RNF216: variants seen among roughly 807,000 people sequenced by gnomAD.
The protein encoded by RNF216 is E3 ubiquitin-protein ligase RNF216.
A neutral mutation model predicts 110.8 loss-of-function variants in RNF216; 72 were observed. That is an observed-to-expected ratio of 0.65 (90% CI 0.54 to 0.79). RNF216 has a LOEUF of 0.79. Ranked by LOEUF, RNF216 falls within the 30% of genes least tolerant of loss-of-function variation. The probability of loss-of-function intolerance (pLI) is 0.00; values close to 1 mark genes in which losing one functional copy is unlikely to be tolerated. For missense variants in RNF216, 1,342 were observed against 1,141.2 expected (o/e 1.18, Z -2.54); for synonymous variants, 495 against 407.5 (o/e 1.21, Z -2.59).
intron 3 of RNF216, among the ~76,000 whole-genome samples, chr7:5,751,388 C>G (rs180976233): frequency 1.4e-4 from 22 of 152,242 alleles, no homozygotes; most frequent in African/African-American, 5.1e-4. Flanking sequence ...AGTGTGTGCA[C>G]TAGACCCCAA....
chr7:5,664,239 T>C (rs1445184720), intron 13 of RNF216, among the ~76,000 whole-genome samples: 3 of 152,210 alleles, frequency 2.0e-5, no homozygotes, highest in Non-Finnish European at 1.5e-5. Context: ...GTCTTATTTA[T>C]AATTATGCCA....
intron 13 of RNF216, among the ~76,000 whole-genome samples, chr7:5,658,327 TATTTTA>T (rs1788877243): frequency 6.6e-6 from 1 of 152,188 alleles, no homozygotes; most frequent in African/African-American, 2.4e-5. Flanking sequence ...AAAAGATTCC[TATTTTA>T]ATAAGCACAA....
chr7:5,703,706 G>C (rs1792113008), intron 13 of RNF216, among the ~76,000 whole-genome samples: 1 of 152,218 alleles, frequency 6.6e-6, no homozygotes, highest in African/African-American at 2.4e-5. Context: ...CACATTTGCA[G>C]TTTCCACGAA....
chr7:5,779,061 T>G (rs759201788), intron 1 of RNF216, among the ~76,000 whole-genome samples: 2 of 152,216 alleles, frequency 1.3e-5, no homozygotes, highest in Non-Finnish European at 2.9e-5. Flanking sequence ...CTATTATCTT[T>G]AACAATAATG....
rs543601677 is a variant in RNF216 at position 5,721,969 on chromosome 7, C to T, written c.1505-797G>A. Among the ~76,000 whole-genome samples, 60 of 152,370 alleles carry T rather than the reference C, an allele frequency of 3.9e-4. No homozygotes were observed. In the South Asian group the frequency reaches 5.4e-3, roughly 14 times the overall value. Reference sequence around the variant, plus strand: ...ACAGAGCCTTGCTCTGCTGCTCACGCTGGAGTGCAGTGGCACATTCACAGA... The same window carrying T: ...ACAGAGCCTTGCTCTGCTGCTCACGTTGGAGTGCAGTGGCACATTCACAGA... On this transcript the variant is annotated intron_variant, in intron 8 of 16. Coordinates refer to ENST00000389902, the MANE Select transcript of RNF216 (RefSeq NM_207111.4).
intron 13 of RNF216, among the ~76,000 whole-genome samples, chr7:5,694,867 A>G (rs767389466): frequency 3.3e-5 from 5 of 152,202 alleles, no homozygotes; most frequent in Non-Finnish European, 5.9e-5. Flanking sequence ...TCCTGTTTTG[A>G]TTTTGAACAT....
chr7:5,769,710 A>C (rs532068248), intron 1 of RNF216, among the ~76,000 whole-genome samples: 4 of 151,040 alleles, frequency 2.6e-5, no homozygotes, highest in African/African-American at 9.7e-5. Context: ...GGAGACAGTG[A>C]GAGCTGTCTC....
At position 5,696,890 on chromosome 7, in the gene RNF216, A is replaced by ATCTC; in HGVS notation, c.2061+14867_2061+14870dup. Among the ~76,000 whole-genome samples the ATCTC allele has an allele frequency of 6.6e-6, 1 of 152,062 alleles. No individual in the cohort carries two copies. Among genetic ancestry groups the ATCTC allele is most frequent in the East Asian group, 1.9e-4 (1 of 5,176 alleles). On this transcript the variant is annotated intron_variant, in intron 13 of 16. Coordinates refer to ENST00000389902, the MANE Select transcript of RNF216 (RefSeq NM_207111.4). This position sits in a 1 kb window ranked among gnomAD's most constrained non-coding sequence, Gnocchi z 5.4. ...CAATTCCCTTGATATTCTATATCTG[A>ATCTC]TCTCTCCCTCCCTCCCACTCCCTTT...
chr7:5,731,376 C>T (rs4724716), intron 5 of RNF216, among the ~76,000 whole-genome samples: 147,161 of 151,568 alleles, frequency 0.97, 71,509 homozygotes, highest in Middle Eastern at 0.99. Context: ...AGCTAGCTGC[C>T]AAGCTAGACT....
At chr7:5,737,126 T>C (rs888815052) in intron 5 of RNF216, among the ~76,000 whole-genome samples, 1 of 152,358 alleles carries the variant, frequency 6.6e-6, no homozygotes, top group South Asian at 2.1e-4. Flanking sequence ...ATTGTTGCTG[T>C]GTCTGTGTAG....
chr7:5,770,266 A>G (rs1387256686), intron 1 of RNF216, among the ~76,000 whole-genome samples: 1 of 151,970 alleles, frequency 6.6e-6, no homozygotes, highest in Non-Finnish European at 1.5e-5. Context: ...GTTTGAGACC[A>G]GCCTGACCAA....
chr7:5,637,532 C>T (rs564252596), intron 15 of RNF216, among the ~76,000 whole-genome samples: 2 of 152,290 alleles, frequency 1.3e-5, no homozygotes, highest in South Asian at 4.1e-4. Context: ...CCATGAGTAG[C>T]TCTCAGGATT....
At position 5,741,192 on chromosome 7, in the gene RNF216, T is replaced by A. The variant is rs767419458; in HGVS notation, c.825A>T (p.Pro275=). 1 of 1,614,144 alleles carries A rather than the reference T, an allele frequency of 6.2e-7. No homozygotes were observed. Among genetic ancestry groups the A allele is most frequent in the Non-Finnish European group, 8.5e-7 (1 of 1,180,004 alleles). Residue 275 remains proline, a synonymous_variant, in exon 4 of 17, where the codon CCA becomes CCT. Coordinates refer to ENST00000389902, the MANE Select transcript of RNF216 (RefSeq NM_207111.4). ...TCCCACCTTGCTGGGGTTCCGGCCT[T>A]GGAAAAGCGGGCCCTGGGAATTCAT... The part of the protein sequence containing the change: ...FQHEFPGPAF[P]RPEPQQGGIS...
chr7:5,631,018 G>C (rs1456788326), intron 15 of RNF216, among the ~76,000 whole-genome samples: 1 of 152,124 alleles, frequency 6.6e-6, no homozygotes, highest in Non-Finnish European at 1.5e-5. Flanking sequence ...AGAGGCAACT[G>C]TTCTAAGGTG....
intron 3 of RNF216, among the ~76,000 whole-genome samples, chr7:5,742,142 G>A (rs1439781596): frequency 6.6e-6 from 1 of 152,180 alleles, no homozygotes; most frequent in East Asian, 1.9e-4. Flanking sequence ...TGCCTCCCGG[G>A]CTCAAGCAAC....
At chr7:5,708,653 T>G (rs1792457598) in intron 13 of RNF216, among the ~76,000 whole-genome samples, 1 of 152,216 alleles carries the variant, frequency 6.6e-6, no homozygotes, top group Non-Finnish European at 1.5e-5. Context: ...GGCTTTTGTT[T>G]TCCTTTTTTC....
At chr7:5,718,259 T>G (rs1467621394) in intron 9 of RNF216, among the ~76,000 whole-genome samples, 1 of 151,982 alleles carries the variant, frequency 6.6e-6, no homozygotes, top group African/African-American at 2.4e-5. Flanking sequence ...GGCGCACCTG[T>G]AATCCCAGCT....
intron 13 of RNF216, among the ~76,000 whole-genome samples, chr7:5,670,629 T>TA (rs1316622839): frequency 6.6e-6 from 1 of 152,184 alleles, no homozygotes; most frequent in Non-Finnish European, 1.5e-5. Context: ...TCTCCACCCC[T>TA]ACTGCTTCAT....
At chr7:5,745,027 G>A (rs934175737) in intron 3 of RNF216, among the ~76,000 whole-genome samples, 1 of 151,616 alleles carries the variant, frequency 6.6e-6, no homozygotes, top group African/African-American at 2.4e-5. Flanking sequence ...TCAGAATCAT[G>A]CTTATAAAAA....
Sources: allele counts gnomAD v4.1 joint callset (sites outside exome capture counted in the v4.1 genomes callset), GRCh38; gene constraint gnomAD v4.1.1; non-coding constraint Gnocchi (gnomAD v3.1); transcripts MANE v1.5; gene names NCBI Gene and HGNC (gene_info 2026-07-23, HGNC 2026-07-21).